Variants in KIF14 observed in about 807,000 individuals in gnomAD.
The protein encoded by KIF14 is kinesin-like protein KIF14.
A neutral mutation model predicts 176.2 loss-of-function variants in KIF14; 98 were observed. That is an observed-to-expected ratio of 0.56 (90% CI 0.47 to 0.66). The LOEUF (loss-of-function observed/expected upper bound fraction) is 0.66, where lower values mean the gene tolerates loss of function less well. Among genes scored for constraint, KIF14 ranks in the 30% least tolerant of loss-of-function variants. KIF14 has a pLI of 0.00. For synonymous variants in KIF14, 566 were observed against 632.2 expected (o/e 0.90, Z 1.57); for missense variants, 1,751 against 1,920.4 (o/e 0.91, Z 1.65).
rs150443065 is a variant in KIF14, at chr1:200,618,504, T to C, written c.220A>G (p.Lys74Glu). 3.9e-4 allele frequency: 628 copies of C among 1,614,132 alleles called. 3 individuals are homozygous for C. The African/African-American group carries it at 7.2e-3, about 18-fold the overall frequency. The change falls in exon 2 of 30, where the codon AAA becomes GAA. Residue 74 changes from lysine (K) to glutamate (E), a missense_variant. Transcript: ENST00000367350. ...GGGGTAAGGGGCATGTCTGCTGTTT[T>C]TCTACTGGCAGAAATAACATAAGTT... Reference protein sequence around the residue: ...NRTYVISASRKTADMPLTPNP... With the variant: ...NRTYVISASRETADMPLTPNP...
chr1:200,569,005 A>T (rs1362879600), intron 23 of KIF14, among the ~76,000 whole-genome samples: 1 of 149,436 alleles, frequency 6.7e-6, no homozygotes, highest in Non-Finnish European at 1.5e-5. Flanking sequence ...AGCTCACCAC[A>T]ACCTCTGCCT....
chr1:200,605,321 A>T lies in KIF14; in HGVS notation c.1708T>A (p.Ser570Thr). The change falls in exon 8 of 30, where the codon TCT becomes ACT. Residue 570 changes from serine (S) to threonine (T), a missense_variant. Transcript: ENST00000367350. ...ATCACCAGGGTGAAAACTGAATGAG[A>T]TCGGGAACTTTTATCATTCATACCA... ...ATGMNDKSSRSHSVFTLVMTQ... is the reference protein window; with the variant it reads ...ATGMNDKSSRTHSVFTLVMTQ... 1 of 1,613,724 alleles carries T rather than the reference A, an allele frequency of 6.2e-7. No homozygotes were observed. Among genetic ancestry groups the T allele is most frequent in the South Asian group, 1.1e-5 (1 of 91,030 alleles).
At chr1:200,582,546 G>T (rs1293015149) in intron 19 of KIF14, among the ~76,000 whole-genome samples, 1 of 152,148 alleles carries the variant, frequency 6.6e-6, no homozygotes, top group Non-Finnish European at 1.5e-5. Flanking sequence ...ATTGCCTCCT[G>T]GCAATAGATA....
rs58120760 is a variant in KIF14 at position 200,612,881 on chromosome 1, CTTTTTTTT to C, written c.1455+1429_1455+1436del. On this transcript the variant is annotated intron_variant, in intron 4 of 29. Coordinates refer to ENST00000367350, the MANE Select transcript of KIF14 (RefSeq NM_014875.3). ...TCTGCAGGCCTTTCTAGTTTATTCT[CTTTTTTTT>C]TTTTTTTTTTTTTTTTGAGATGGAG... Among the ~76,000 whole-genome samples, 50 of 79,128 alleles carry C rather than the reference CTTTTTTTT, an allele frequency of 6.3e-4. 1 individual carries two copies. The highest frequency in any genetic ancestry group is 2.3e-3 in the African/African-American group (48 of 20,650). 51.9% of individuals were successfully genotyped at this position (79,128 alleles called of 152,430 possible). A position where few individuals can be genotyped will look rare whatever the true frequency, so the allele number is the denominator to read the frequency against.
chr1:200,608,943 AAC>A lies in KIF14; in HGVS notation c.1456-17_1456-16del. The stretch of plus-strand genomic sequence containing the variant: ...TGATAGCTGACCTAGTAGGAATAGA[AAC>A]ACAGCATATAATTTATTTTGATGTT... On this transcript the variant is annotated splice_polypyrimidine_tract_variant and intron_variant, in intron 4 of 29. Transcript: ENST00000367350. 1 of 1,404,726 alleles carries A rather than the reference AAC, an allele frequency of 7.1e-7. No individual in the cohort carries two copies. Among genetic ancestry groups the A allele is most frequent in the Non-Finnish European group, 1.0e-6 (1 of 995,262 alleles). The allele number at this position is 1,404,726 out of a possible 1,614,324, so 87.0% of individuals were successfully genotyped here.
chr1:200,560,912 T>C lies in KIF14; in HGVS notation c.4072-32A>G, dbSNP rs554051049. Reference sequence around the variant, plus strand: ...GATAAAAATGGACAAGTGTATCAGATACATGAGATTATAACAGGTGGTAAA... The same window carrying C: ...GATAAAAATGGACAAGTGTATCAGACACATGAGATTATAACAGGTGGTAAA... On this transcript the variant is annotated intron_variant, in intron 25 of 29. Transcript: ENST00000367350. The C allele has an allele frequency of 3.8e-6, 6 of 1,586,102 alleles. No individual in the cohort carries two copies. The African/African-American group carries it at 4.0e-5, about 11-fold the overall frequency.
chr1:200,590,900 C>T (rs115362834), intron 16 of KIF14, among the ~76,000 whole-genome samples: 3,020 of 152,128 alleles, frequency 0.02, 95 homozygotes, highest in African/African-American at 0.068. Flanking sequence ...GTGGTGTGCG[C>T]CTATAGTCTC....
At chr1:200,612,150 C>T (rs750379433) in intron 4 of KIF14, among the ~76,000 whole-genome samples, 7 of 151,916 alleles carry the variant, frequency 4.6e-5, no homozygotes, top group Non-Finnish European at 1.0e-4. Context: ...TTACAGGCGC[C>T]CACCACCACA....
intron 18 of KIF14, among the ~76,000 whole-genome samples, chr1:200,587,180 T>C (rs1031352510): frequency 6.6e-5 from 10 of 152,016 alleles, no homozygotes; most frequent in Non-Finnish European, 1.0e-4. Context: ...ACAATGGACA[T>C]TGAAGACTCA....
rs778342051 is a variant in KIF14, at chr1:200,618,085, C to T, written c.639G>A (p.Lys213=). 1 of 1,614,126 alleles carries T rather than the reference C, an allele frequency of 6.2e-7. No individual in the cohort carries two copies. The highest frequency in any genetic ancestry group is 8.5e-7 in the Non-Finnish European group (1 of 1,180,024). Residue 213 remains lysine, a synonymous_variant, in exon 2 of 30, where the codon AAG becomes AAA. Transcript: ENST00000367350. ...PSRANENVAL[K]YSSNRPPIAS... ...CAATGGGTGGTCTATTACTTGAGTA[C>T]TTAAGTGCAACATTTTCATTTGCTC... is the stretch of plus-strand genomic sequence containing the variant.
intron 10 of KIF14, among the ~76,000 whole-genome samples, chr1:200,602,487 G>A (rs1231892695): frequency 1.3e-5 from 2 of 152,136 alleles, no homozygotes; most frequent in African/African-American, 4.8e-5. Context: ...CTTTATTTTA[G>A]AGAAAAAGAG....
In KIF14 at chr1:200,591,223, C is replaced by G. The variant is rs569105824; in HGVS notation, c.2813+857G>C. On this transcript the variant is annotated intron_variant, in intron 16 of 29. Transcript: ENST00000367350. ...AAAGGTGACAAAGCAGTTAGTCTAGCCTATAACCAGTTCTTGATTCCTCCT... is the reference window on the plus strand; with the variant it reads ...AAAGGTGACAAAGCAGTTAGTCTAGGCTATAACCAGTTCTTGATTCCTCCT... Among the ~76,000 whole-genome samples the G allele has an allele frequency of 7.2e-4, 110 of 152,144 alleles. 1 individual carries two copies. Among genetic ancestry groups the G allele is most frequent in the Non-Finnish European group, 1.4e-3 (93 of 68,028 alleles).
intron 19 of KIF14, among the ~76,000 whole-genome samples, chr1:200,584,270 C>A (rs1285388821): frequency 6.7e-6 from 1 of 150,082 alleles, no homozygotes; most frequent in Non-Finnish European, 1.5e-5. Context: ...GTGAAGTCTA[C>A]CGAACAATTA....
chr1:200,605,226 T>C, intron 8 of KIF14, 57 bp downstream of exon 8: 2 of 1,481,072 alleles, frequency 1.4e-6, no homozygotes, highest in Admixed American at 1.7e-5. Flanking sequence ...AATACCTTGG[T>C]CTGGGTTATC....
At chr1:200,570,222 A>G (rs912302227) in intron 22 of KIF14, among the ~76,000 whole-genome samples, 1 of 152,210 alleles carries the variant, frequency 6.6e-6, no homozygotes, top group Admixed American at 6.5e-5. Flanking sequence ...AGTATTGATT[A>G]AGCACTACTA....
At position 200,551,980 on chromosome 1, in the gene KIF14, A is replaced by G. The variant is rs1264707857; in HGVS notation, c.*1408T>C. ...TTGAAAACACCACACAAGGTTCACT[A>G]ATACTGTTCTGACTGCAATGACTGT... On this transcript the variant is annotated 3_prime_UTR_variant, in exon 30 of 30. Transcript: ENST00000367350. The G allele has an allele frequency of 6.6e-6, 1 of 152,214 alleles. No homozygotes were observed. Among genetic ancestry groups the G allele is most frequent in the Non-Finnish European group, 1.5e-5 (1 of 68,024 alleles). The allele number at this position is 152,214 out of a possible 1,614,324, so 9.4% of individuals were successfully genotyped here.
intron 3 of KIF14, 112 bp downstream of exon 3, chr1:200,615,243 G>T: frequency 1.8e-6 from 2 of 1,136,208 alleles, no homozygotes; most frequent in Non-Finnish European, 2.5e-6. Context: ...GATGAGATTT[G>T]GGCCAAGATC....
Position 200,587,305 on chromosome 1 carries a change from A to G in KIF14, c.3115-1078T>C, listed in dbSNP as rs1658802679. Among the ~76,000 whole-genome samples the G allele has an allele frequency of 7.2e-5, 11 of 152,128 alleles. No individual in the cohort carries two copies. The South Asian group carries it at 2.3e-3, about 32-fold the overall frequency. ...CACCACTATATAATTCATCCACGAA[A>G]CCAAAAGCAATTTGTACTTCTAAAG... On this transcript the variant is annotated intron_variant, in intron 18 of 29. Transcript: ENST00000367350.
At chr1:200,608,126 A>C (rs962522657) in intron 5 of KIF14, among the ~76,000 whole-genome samples, 2 of 152,196 alleles carry the variant, frequency 1.3e-5, no homozygotes, top group African/African-American at 4.8e-5. Flanking sequence ...ATTATCTACA[A>C]GGTATGAATT....
Sources: allele counts gnomAD v4.1 joint callset (sites outside exome capture counted in the v4.1 genomes callset), GRCh38; gene constraint gnomAD v4.1.1; transcripts MANE v1.5; gene names NCBI Gene and HGNC (gene_info 2026-07-23, HGNC 2026-07-21).